RPS25: variants seen among roughly 807,000 people sequenced by gnomAD.
The protein encoded by RPS25 is small ribosomal subunit protein eS25.
RPS25 carries 1 observed loss-of-function variant against 14.4 expected under a neutral mutation model. That is an observed-to-expected ratio of 0.07 (90% CI 0.02 to 0.33). RPS25 has a LOEUF of 0.33. Ranked by LOEUF, RPS25 falls within the 10% of genes least tolerant of loss-of-function variation. The pLI is 1.00. For synonymous variants in RPS25, 63 were observed against 53.8 expected (o/e 1.17, Z -0.75); for missense variants, 65 against 144.6 (o/e 0.45, Z 2.82).
Position 119,018,288 on chromosome 11 carries a change from G to C in RPS25, c.-4C>G, listed in dbSNP as rs781944457. 11 of 1,614,140 alleles carry C rather than the reference G, an allele frequency of 6.8e-6. No homozygotes were observed. In the South Asian group the frequency reaches 7.7e-5, roughly 11 times the overall value. Reference sequence around the variant, plus strand: ...TCACACCCCTGAAGCTTACCATTGCGAAGCTCGGAGAATAGCAGCAGACAC... The same window carrying C: ...TCACACCCCTGAAGCTTACCATTGCCAAGCTCGGAGAATAGCAGCAGACAC... On this transcript the variant is annotated 5_prime_UTR_variant, in exon 1 of 5. Coordinates refer to ENST00000527673, the MANE Select transcript of RPS25 (RefSeq NM_001028.3).
chr11:119,017,914 G>T, intron 2 of RPS25, 44 bp downstream of exon 2: 1 of 1,475,140 alleles, frequency 6.8e-7, no homozygotes, highest in Non-Finnish European at 9.5e-7. Flanking sequence ...AGAGGATTAC[G>T]AGAGAGTTAC....
chr11:119,016,083 T>C (rs1357758644), intron 3 of RPS25, 144 bp from the exon 4 acceptor site: 3 of 574,334 alleles, frequency 5.2e-6, no homozygotes, highest in East Asian at 2.7e-5. Flanking sequence ...AGGTAAGGAG[T>C]TGCACACCAG....
In RPS25 at chr11:119,018,307, C is replaced by A; in HGVS notation, c.-23G>T. 2 of 1,614,160 alleles carry A rather than the reference C, an allele frequency of 1.2e-6. No individual in the cohort carries two copies. Among genetic ancestry groups the A allele is most frequent in the Non-Finnish European group, 1.7e-6 (2 of 1,180,038 alleles). On this transcript the variant is annotated 5_prime_UTR_variant, in exon 1 of 5. Coordinates refer to ENST00000527673, the MANE Select transcript of RPS25 (RefSeq NM_001028.3). ...CATTGCGAAGCTCGGAGAATAGCAGCAGACACCGCAGCCTCGTCAAGATGT... is the reference window on the plus strand; with the variant it reads ...CATTGCGAAGCTCGGAGAATAGCAGAAGACACCGCAGCCTCGTCAAGATGT...
chr11:119,016,294 T>C (rs541605454), intron 3 of RPS25, among the ~76,000 whole-genome samples: 6 of 152,190 alleles, frequency 3.9e-5, no homozygotes, highest in South Asian at 2.1e-4. Context: ...AAGGTTTGTT[T>C]TGGCCGGGTG....
chr11:119,016,058 C>T (rs992556077), intron 3 of RPS25, 119 bp from the exon 4 acceptor site: 14 of 630,514 alleles, frequency 2.2e-5, no homozygotes, highest in Middle Eastern at 2.6e-4. Context: ...GAGGTGGAGA[C>T]GGGCAGATAG....
At chr11:119,017,750 C>T (rs1208000106) in intron 2 of RPS25, 1 of 661,286 alleles carries the variant, frequency 1.5e-6, no homozygotes, top group East Asian at 2.7e-5. Context: ...AAAAATAACA[C>T]AGCAGGCACA....
In RPS25 at chr11:119,016,634, ACC is replaced by A. The variant is rs11297997; in HGVS notation, c.284-697_284-696del. On this transcript the variant is annotated intron_variant, in intron 3 of 4. Transcript: ENST00000527673. ...TTAAATTAGGGCTCCATTATCTTCCACCCCCCCCCCCTTTCTGAGACAGTCTT... is the reference window on the plus strand; with the variant it reads ...TTAAATTAGGGCTCCATTATCTTCCACCCCCCCCCTTTCTGAGACAGTCTT... Among the ~76,000 whole-genome samples the A allele has an allele frequency of 7.8e-4, 79 of 101,818 alleles. No homozygotes were observed. In the East Asian group the frequency reaches 0.012, roughly 16 times the overall value. 66.8% of individuals were successfully genotyped at this position (101,818 alleles called of 152,430 possible).
chr11:119,018,312 A>C lies in RPS25; in HGVS notation c.-28T>G. The C allele has an allele frequency of 1.2e-6, 2 of 1,614,126 alleles. No individual in the cohort carries two copies. The highest frequency in any genetic ancestry group is 1.7e-6 in the Non-Finnish European group (2 of 1,180,016). ...CGAAGCTCGGAGAATAGCAGCAGAC[A>C]CCGCAGCCTCGTCAAGATGTCGGAC... On this transcript the variant is annotated 5_prime_UTR_variant, in exon 1 of 5. Transcript: ENST00000527673.
intron 2 of RPS25, 73 bp downstream of exon 2, chr11:119,017,880 TTACTA>T (rs934219678): frequency 8.7e-7 from 1 of 1,151,364 alleles, no homozygotes; most frequent in African/African-American, 1.5e-5. Context: ...GAAAAACCAC[TTACTA>T]TACAAGTTAC....
At chr11:119,017,277 C>A in intron 3 of RPS25, 85 bp downstream of exon 3, 3 of 1,032,030 alleles carry the variant, frequency 2.9e-6, no homozygotes, top group East Asian at 2.6e-5. Context: ...TTTAATTCTG[C>A]TTTTCCAGCA....
intron 2 of RPS25, 116 bp from the exon 3 acceptor site, chr11:119,017,661 A>T: frequency 1.0e-6 from 1 of 992,276 alleles, no homozygotes; most frequent in Non-Finnish European, 1.5e-6. Context: ...TAAATTACAC[A>T]TTACTAAAAC....
intron 3 of RPS25, 136 bp downstream of exon 3, chr11:119,017,226 T>A: frequency 3.2e-6 from 2 of 630,584 alleles, no homozygotes; most frequent in Admixed American, 6.7e-5. Flanking sequence ...GACGTCAGAA[T>A]TACATTACTA....
intron 3 of RPS25, among the ~76,000 whole-genome samples, chr11:119,016,779 T>TA (rs1192347041): frequency 6.6e-6 from 1 of 152,024 alleles, no homozygotes; most frequent in African/African-American, 2.4e-5. Flanking sequence ...TACAGACGTG[T>TA]GCCCCCACGT....
chr11:119,017,639 C>T (rs557084999), intron 2 of RPS25, 94 bp from the exon 3 acceptor site: 3 of 1,130,434 alleles, frequency 2.7e-6, no homozygotes, highest in Admixed American at 2.4e-5. Context: ...TCTGTTCCAC[C>T]GTTATCAAGG....
chr11:119,016,271 A>G (rs1045743986), intron 3 of RPS25, among the ~76,000 whole-genome samples: 1 of 152,126 alleles, frequency 6.6e-6, no homozygotes, highest in Non-Finnish European at 1.5e-5. Flanking sequence ...GGGCAACAGA[A>G]TGAGACTCTA....
chr11:119,016,640 C>G (rs539715387), intron 3 of RPS25, among the ~76,000 whole-genome samples: 1 of 151,314 alleles, frequency 6.6e-6, no homozygotes, highest in East Asian at 1.9e-4. Context: ...TTCCACCCCC[C>G]CCCCCTTTCT....
At chr11:119,018,154 G>A in intron 1 of RPS25, 101 bp from the exon 2 acceptor site, 2 of 1,561,824 alleles carry the variant, frequency 1.3e-6, no homozygotes, top group Middle Eastern at 1.7e-4. Context: ...CAGAGCACAT[G>A]GGCCAAGCAA....
At chr11:119,018,168 C>T in intron 1 of RPS25, 114 bp downstream of exon 1, 3 of 1,582,252 alleles carry the variant, frequency 1.9e-6, no homozygotes, top group South Asian at 2.2e-5. Flanking sequence ...CAAGCAATAA[C>T]CGCGCCCGCC....
In RPS25 at chr11:119,017,235, T is replaced by G. The variant is rs11217123; in HGVS notation, c.283+127A>C. Reference sequence around the variant, plus strand: ...GAGTAAGACGTCAGAATTACATTACTAACAGCCAATGGTCAAGCCACGCTT... The same window carrying G: ...GAGTAAGACGTCAGAATTACATTACGAACAGCCAATGGTCAAGCCACGCTT... On this transcript the variant is annotated intron_variant, in intron 3 of 4. Coordinates refer to ENST00000527673, the MANE Select transcript of RPS25 (RefSeq NM_001028.3). 7,375 of 663,070 alleles carry G rather than the reference T, an allele frequency of 0.011. 391 individuals carry two copies. The African/African-American group carries it at 0.12, about 11-fold the overall frequency. The allele number at this position is 663,070 out of a possible 1,614,324, so 41.1% of individuals were successfully genotyped here. A position where few individuals can be genotyped will look rare whatever the true frequency, so the allele number is the denominator to read the frequency against.
Sources: allele counts gnomAD v4.1 joint callset (sites outside exome capture counted in the v4.1 genomes callset), GRCh38; gene constraint gnomAD v4.1.1; transcripts MANE v1.5; gene names NCBI Gene and HGNC (gene_info 2026-07-23, HGNC 2026-07-21).